The following ZC3H12B variants were observed in gnomAD, a reference collection of about 807,000 sequenced individuals.
ZC3H12B encodes the protein probable ribonuclease ZC3H12B.
In ZC3H12B, 7 loss-of-function variants were observed where a neutral mutation model predicts 43.9. The observed-to-expected ratio is 0.16, with a 90% CI of 0.09 to 0.30. The LOEUF is 0.30. ZC3H12B is among the 10% of genes least tolerant of loss of function. The pLI is 1.00. For missense variants in ZC3H12B, 475 were observed against 670.2 expected (o/e 0.71, Z 3.22); for synonymous variants, 222 against 241.7 (o/e 0.92, Z 0.76).
At chrX:65,190,793 C>A in the ZC3H12B span, among the ~76,000 whole-genome samples, 1 of 104,438 alleles carries the variant, frequency 9.6e-6, no homozygotes, top group African/African-American at 3.6e-5. Context: ...CCTTTATTTC[C>A]TTCTCCTGCC....
At chrX:65,456,509 C>T (rs1284109669) in intron 3 of ZC3H12B, among the ~76,000 whole-genome samples, 1 of 102,315 alleles carries the variant, frequency 9.8e-6, no homozygotes, top group Non-Finnish European at 2.0e-5. Flanking sequence ...GACGGTACTG[C>T]TGCCATCTCG....
chrX:65,177,218 A>T, the ZC3H12B span, among the ~76,000 whole-genome samples: 1 of 112,199 alleles, frequency 8.9e-6, no homozygotes, highest in Non-Finnish European at 1.9e-5. Flanking sequence ...GCCTTCAATA[A>T]TATTGAGCAC....
chrX:65,160,680 T>C, the ZC3H12B span, among the ~76,000 whole-genome samples: 4 of 111,922 alleles, frequency 3.6e-5, no homozygotes, highest in South Asian at 3.7e-4. Flanking sequence ...GCTAATGGTG[T>C]ATCAATTTTG....
At chrX:65,442,946 G>A (rs1465938313) in intron 3 of ZC3H12B, among the ~76,000 whole-genome samples, 2 of 110,626 alleles carry the variant, frequency 1.8e-5, no homozygotes, top group African/African-American at 6.6e-5. Flanking sequence ...AACAGTCACT[G>A]GGGCAACTAG....
exon 1 of ZC3H12B, chrX:65,489,114 G>C (rs1259218219): frequency 8.3e-7 from 1 of 1,210,302 alleles, no homozygotes; most frequent in African/African-American, 1.7e-5. Context: ...ACTTGACTTG[G>C]AGAAGGAATA....
chrX:65,414,932 A>G (rs1033802276), intron 3 of ZC3H12B, among the ~76,000 whole-genome samples: 1 of 112,465 alleles, frequency 8.9e-6, no homozygotes, highest in African/African-American at 3.2e-5. Flanking sequence ...GCCAAATATG[A>G]GTGAACAATG....
At chrX:65,043,628 C>A in the ZC3H12B span, among the ~76,000 whole-genome samples, 2 of 110,901 alleles carry the variant, frequency 1.8e-5, no homozygotes, top group Non-Finnish European at 3.8e-5. Flanking sequence ...ATAAAATATG[C>A]AGCAATGTTT....
chrX:65,172,480 G>C, the ZC3H12B span, among the ~76,000 whole-genome samples: 1 of 112,247 alleles, frequency 8.9e-6, no homozygotes, highest in Non-Finnish European at 1.9e-5. Flanking sequence ...TGCTTTTGGT[G>C]TTTTTGTCAT....
intron 3 of ZC3H12B, among the ~76,000 whole-genome samples, chrX:65,441,837 A>C (rs1281303727): frequency 1.8e-5 from 2 of 110,814 alleles, no homozygotes; most frequent in African/African-American, 6.6e-5. Context: ...GACATTGTAC[A>C]GGGGTGAGGG....
At chrX:65,156,670 C>T in the ZC3H12B span, among the ~76,000 whole-genome samples, 2 of 110,974 alleles carry the variant, frequency 1.8e-5, no homozygotes, top group Admixed American at 9.7e-5. Context: ...CATGAGCCAC[C>T]GCACAAGGCC....
chrX:65,124,309 T>A, the ZC3H12B span, among the ~76,000 whole-genome samples: 1 of 111,495 alleles, frequency 9.0e-6, no homozygotes, highest in Admixed American at 9.5e-5. Flanking sequence ...TTACATATGT[T>A]AAACCATCTC....
chrX:65,237,546 G>A, the ZC3H12B span, among the ~76,000 whole-genome samples: 2 of 99,683 alleles, frequency 2.0e-5, no homozygotes, highest in African/African-American at 9.6e-5. Context: ...CTAGTTGAAT[G>A]CCTTTTTTTT....
the ZC3H12B span, among the ~76,000 whole-genome samples, chrX:65,180,173 A>G: frequency 1.8e-5 from 2 of 112,135 alleles, no homozygotes. Flanking sequence ...AGTTGGCTTC[A>G]TCTCTGGCAT....
chrX:65,497,398 C>A, intron 2 of ZC3H12B, 127 bp downstream of exon 7: 1 of 606,572 alleles, frequency 1.6e-6, no homozygotes, highest in African/African-American at 2.3e-5. Context: ...TTTTATTAAG[C>A]ATATATTTGA....
chrX:65,388,000 C>A (rs745377235), intron 2 of ZC3H12B, among the ~76,000 whole-genome samples: 1 of 112,029 alleles, frequency 8.9e-6, no homozygotes, highest in South Asian at 3.7e-4. Context: ...GAGTTTCTGC[C>A]GAGATATCTG....
chrX:65,136,906 GATTC>G, the ZC3H12B span, among the ~76,000 whole-genome samples: 1 of 111,901 alleles, frequency 8.9e-6, no homozygotes, highest in East Asian at 2.8e-4. Flanking sequence ...GTGATTTAAA[GATTC>G]ATTATCTCTC....
intron 2 of ZC3H12B, among the ~76,000 whole-genome samples, chrX:65,385,142 G>A (rs762993657): frequency 6.7e-4 from 75 of 111,914 alleles, no homozygotes; most frequent in Middle Eastern, 4.6e-3. Context: ...GCTCTTTTTC[G>A]GTTCTGTGTG....
the ZC3H12B span, among the ~76,000 whole-genome samples, chrX:65,123,894 A>T: frequency 2.7e-5 from 3 of 110,156 alleles, no homozygotes; most frequent in African/African-American, 9.9e-5. Context: ...TTTTTGGATG[A>T]GTCTTTAGGG....
At chrX:65,298,330 A>G in the ZC3H12B span, among the ~76,000 whole-genome samples, 1 of 112,102 alleles carries the variant, frequency 8.9e-6, no homozygotes, top group African/African-American at 3.2e-5. Flanking sequence ...GAGAATTTAA[A>G]AAATAATTTT....
Sources: allele counts gnomAD v4.1 joint callset (sites outside exome capture counted in the v4.1 genomes callset), GRCh38; gene constraint gnomAD v4.1.1; transcripts MANE v1.5; gene names NCBI Gene and HGNC (gene_info 2026-07-23, HGNC 2026-07-21).